Variants in ZNF329 observed in about 807,000 individuals in gnomAD.
ZNF329 encodes zinc finger protein 329.
ZNF329 carries 15 observed loss-of-function variants against 26.6 expected under a neutral mutation model. The observed-to-expected ratio is 0.56, with a 90% CI of 0.38 to 0.87. The LOEUF is 0.87. Ranked by LOEUF, ZNF329 falls within the 40% of genes least tolerant of loss-of-function variation. The pLI, the probability that ZNF329 is intolerant of heterozygous loss-of-function variation, is 0.00. For missense variants in ZNF329, 651 were observed against 651.9 expected (o/e 1.00, Z 0.02); for synonymous variants, 239 against 233.5 (o/e 1.02, Z -0.21).
rs560641594 is a variant in ZNF329 at position 58,144,594 on chromosome 19, G to A, written c.-207-1396C>T. The stretch of plus-strand genomic sequence containing the variant: ...AATAGAGATGGGGTTTCACCAAGTC[G>A]GCCAGGCTGATCTTGAACTCCTGAC... On this transcript the variant is annotated intron_variant, in intron 1 of 3. Transcript: ENST00000598312. 4.6e-4 allele frequency among the ~76,000 whole-genome samples: 70 copies of A among 151,660 alleles called. No homozygotes were observed. The South Asian group carries it at 5.6e-3, about 12-fold the overall frequency.
At chr19:58,129,679 C>T (rs146793745) in intron 3 of ZNF329, among the ~76,000 whole-genome samples, 168 bp from the exon 4 acceptor site, 13 of 152,134 alleles carry the variant, frequency 8.5e-5, no homozygotes, top group African/African-American at 3.1e-4. Flanking sequence ...GGAATGGAAC[C>T]AAGAACAGAT....
intron 1 of ZNF329, among the ~76,000 whole-genome samples, chr19:58,147,450 C>A (rs1345826114): frequency 1.3e-5 from 2 of 148,344 alleles, no homozygotes; most frequent in Non-Finnish European, 3.0e-5. Context: ...GGCCAGCCGC[C>A]CCGTCCGGGA....
chr19:58,153,498 G>C (rs1464995898), upstream of ZNF329, among the ~76,000 whole-genome samples: 1 of 152,154 alleles, frequency 6.6e-6, no homozygotes, highest in African/African-American at 2.4e-5. Flanking sequence ...CAGACCATAA[G>C]GTCTCTGCCA....
chr19:58,148,435 G>T (rs2075375880), intron 1 of ZNF329, among the ~76,000 whole-genome samples: 2 of 144,174 alleles, frequency 1.4e-5, no homozygotes, highest in South Asian at 2.2e-4. Flanking sequence ...AAATTTCCCT[G>T]TTTCTTCTTT....
In ZNF329 at chr19:58,147,405, G is replaced by A. The variant is rs533376252; in HGVS notation, c.-208+3347C>T. 7.4e-5 allele frequency among the ~76,000 whole-genome samples: 11 copies of A among 149,424 alleles called. No homozygotes were observed. In the South Asian group the frequency reaches 8.4e-4, roughly 11 times the overall value. ...AGCGTCTCCGCCTGGCAGCCACCCC[G>A]TCCAGGAGGGAGGTGGGGGGCCAGC... On this transcript the variant is annotated intron_variant, in intron 1 of 3. Coordinates refer to ENST00000598312, the MANE Select transcript of ZNF329 (RefSeq NM_024620.4).
In ZNF329 at chr19:58,127,658, T is replaced by C. The variant is rs1400779694; in HGVS notation, c.*220A>G. 6.1e-6 allele frequency: 3 copies of C among 494,976 alleles called. No homozygotes were observed. The highest frequency in any genetic ancestry group is 1.1e-5 in the Non-Finnish European group (3 of 278,430). The allele number at this position is 494,976 out of a possible 1,614,324, so 30.7% of individuals were successfully genotyped here. ...GTGTGTTGTCATGTCTGGTACAGACTGAATCATCCCCAAAGACTTTTCTGC... is the reference window on the plus strand; with the variant it reads ...GTGTGTTGTCATGTCTGGTACAGACCGAATCATCCCCAAAGACTTTTCTGC... On this transcript the variant is annotated 3_prime_UTR_variant, in exon 4 of 4. Coordinates refer to ENST00000598312, the MANE Select transcript of ZNF329 (RefSeq NM_024620.4).
intron 1 of ZNF329, among the ~76,000 whole-genome samples, chr19:58,150,267 C>T (rs2075419200): frequency 6.6e-6 from 1 of 152,250 alleles, no homozygotes; most frequent in Non-Finnish European, 1.5e-5. Flanking sequence ...ACCTTCGAGA[C>T]TCAAGGGGAA....
At chr19:58,144,056 G>A (rs991279256) in intron 1 of ZNF329, among the ~76,000 whole-genome samples, 8 of 151,516 alleles carry the variant, frequency 5.3e-5, no homozygotes, top group Non-Finnish European at 8.8e-5. Context: ...ACTCCAGCCC[G>A]GGCAACAACA....
rs1259471301 is a variant in ZNF329 at position 58,127,696 on chromosome 19, T to C, written c.*182A>G. ...AAGACTTTTCTGCCCTCATCCTAAG[T>C]TGTCTCTGGAGTTCCCCAATGAGCA... is the stretch of plus-strand genomic sequence containing the variant. On this transcript the variant is annotated 3_prime_UTR_variant, in exon 4 of 4. Transcript: ENST00000598312. 1.7e-6 allele frequency: 1 copy of C among 572,136 alleles called. No individual in the cohort carries two copies. Among genetic ancestry groups the C allele is most frequent in the South Asian group, 3.5e-5 (1 of 28,222 alleles). The allele number at this position is 572,136 out of a possible 1,614,324, so 35.4% of individuals were successfully genotyped here. A position where few individuals can be genotyped will look rare whatever the true frequency, so the allele number is the denominator to read the frequency against.
At chr19:58,142,374 A>ATG (rs2075208314) in intron 3 of ZNF329, among the ~76,000 whole-genome samples, 183 bp downstream of exon 3, 1 of 152,260 alleles carries the variant, frequency 6.6e-6, no homozygotes, top group Non-Finnish European at 1.5e-5. Context: ...ATTGTATGCT[A>ATG]TGTGAATTAT....
intron 3 of ZNF329, among the ~76,000 whole-genome samples, chr19:58,140,209 G>C (rs2075153063): frequency 6.6e-6 from 1 of 152,032 alleles, no homozygotes; most frequent in Non-Finnish European, 1.5e-5. Context: ...GATCGGTTCT[G>C]GGGGAAATGA....
intron 1 of ZNF329, among the ~76,000 whole-genome samples, chr19:58,147,553 T>G (rs1406352866): frequency 1.9e-4 from 19 of 98,912 alleles, no homozygotes; most frequent in Non-Finnish European, 2.8e-4. Flanking sequence ...GGTGGGGGGG[T>G]CAGCCCCCCG....
Position 58,127,922 on chromosome 19 carries a change from G to C in ZNF329, c.1582C>G (p.Arg528Gly). Residue 528 changes from arginine (R) to glycine (G), a missense_variant, in exon 4 of 4, where the codon CGA becomes GGA. By Grantham distance (125) the Arg-to-Gly change is moderately radical. Transcript: ENST00000598312. ...TCTCCCAGGTGTGCTCTTTGATGTCGAACAAGGGATGAGCTCTTTTGGAAC... is the reference window on the plus strand; with the variant it reads ...TCTCCCAGGTGTGCTCTTTGATGTCCAACAAGGGATGAGCTCTTTTGGAAC... ...KMFQKSSSLV[R>G]HQRAHLGEQP... 6.2e-7 allele frequency: 1 copy of C among 1,610,358 alleles called. No homozygotes were observed. The highest frequency in any genetic ancestry group is 8.5e-7 in the Non-Finnish European group (1 of 1,178,110).
At chr19:58,146,554 C>A (rs923042978) in intron 1 of ZNF329, among the ~76,000 whole-genome samples, 1 of 141,740 alleles carries the variant, frequency 7.1e-6, no homozygotes, top group Non-Finnish European at 1.5e-5. Flanking sequence ...TCCCTCTCCC[C>A]ACGGTCTCCC....
intron 1 of ZNF329, among the ~76,000 whole-genome samples, chr19:58,145,324 T>C (rs1192579709): frequency 1.1e-5 from 1 of 93,324 alleles, no homozygotes; most frequent in African/African-American, 3.3e-5. Flanking sequence ...CTTTTTTTTT[T>C]TTTTTTTTTT....
intron 3 of ZNF329, among the ~76,000 whole-genome samples, chr19:58,130,737 G>A (rs2074921743): frequency 6.6e-6 from 1 of 151,810 alleles, no homozygotes; most frequent in Admixed American, 6.6e-5. Flanking sequence ...GGGGATGAAG[G>A]GCATTCTGTA....
intron 3 of ZNF329, 47 bp from the exon 4 acceptor site, chr19:58,129,558 T>C: frequency 1.4e-6 from 2 of 1,478,932 alleles, no homozygotes; most frequent in Non-Finnish European, 1.8e-6. Flanking sequence ...AAGCTTTATC[T>C]GTAAGAGAAA....
rs549772219 is a variant in ZNF329 at position 58,133,029 on chromosome 19, G to T, written c.-8-3518C>A. On this transcript the variant is annotated intron_variant, in intron 3 of 3. Transcript: ENST00000598312. ...GGGTTTCACTATGTTAGCCAGGATGGTCTCGAGCTCCTGACCTCGTGATCC... is the reference window on the plus strand; with the variant it reads ...GGGTTTCACTATGTTAGCCAGGATGTTCTCGAGCTCCTGACCTCGTGATCC... Among the ~76,000 whole-genome samples the T allele has an allele frequency of 3.9e-4, 59 of 152,176 alleles. No homozygotes were observed. The Middle Eastern group carries it at 0.01, about 26-fold the overall frequency.
chr19:58,129,080 C>T lies in ZNF329; in HGVS notation c.424G>A (p.Val142Met). Residue 142 changes from valine to methionine, a missense_variant, in exon 4 of 4, where the codon GTG becomes ATG. Physicochemically the swap from Val to Met is conservative, Grantham distance 21. Coordinates refer to ENST00000598312, the MANE Select transcript of ZNF329 (RefSeq NM_024620.4). ...SMEVIHGRNP[V>M]REKPYKYPES... ...GGGTATTTGTAGGGCTTCTCTCTCA[C>T]TGGATTTCTTCCATGAATAACTTCC... 6.2e-7 allele frequency: 1 copy of T among 1,614,004 alleles called. No individual in the cohort carries two copies. Among genetic ancestry groups the T allele is most frequent in the Non-Finnish European group, 8.5e-7 (1 of 1,180,024 alleles).
Sources: allele counts gnomAD v4.1 joint callset (sites outside exome capture counted in the v4.1 genomes callset), GRCh38; gene constraint gnomAD v4.1.1; transcripts MANE v1.5; gene names NCBI Gene and HGNC (gene_info 2026-07-23, HGNC 2026-07-21).